Variants in UGCG observed in about 807,000 individuals in gnomAD.
The protein encoded by UGCG is ceramide glucosyltransferase.
In UGCG, 10 loss-of-function variants were observed where a neutral mutation model predicts 49.5. The observed-to-expected ratio is 0.20, with a 90% CI of 0.12 to 0.34. The LOEUF is 0.34. Ranked by LOEUF, UGCG falls within the 10% of genes least tolerant of loss-of-function variation. The pLI is 1.00. For missense variants in UGCG, 312 were observed against 483.7 expected (o/e 0.65, Z 3.33); for synonymous variants, 182 against 158.2 (o/e 1.15, Z -1.13).
intron 2 of UGCG, among the ~76,000 whole-genome samples, chr9:111,921,517 C>T (rs1181329542): frequency 2.0e-5 from 3 of 151,788 alleles, no homozygotes; most frequent in African/African-American, 4.8e-5. Flanking sequence ...TGGTGGCGGG[C>T]ATCTGTAGTC....
Position 111,906,565 on chromosome 9 carries a change from G to A in UGCG, c.99-8040G>A, listed in dbSNP as rs1213121558. ...CTGCCTCAGCCTCCCGACTAGCTGG[G>A]ATTACAGGTGTGCGCCACCATGCCT... is the stretch of plus-strand genomic sequence containing the variant. On this transcript the variant is annotated intron_variant, in intron 1 of 8. Coordinates refer to ENST00000374279, the MANE Select transcript of UGCG (RefSeq NM_003358.3). Among the ~76,000 whole-genome samples, 3 of 152,252 alleles carry A rather than the reference G, an allele frequency of 2.0e-5. No individual in the cohort carries two copies. In the East Asian group the frequency reaches 5.8e-4, roughly 29 times the overall value.
In UGCG at chr9:111,934,724, T is replaced by C. The variant is rs1389833197; in HGVS notation, c.*1727T>C. ...AAACTGCTTCATCCTTTTTTCTTTC[T>C]TTTTTTTTTTTTTTAGCCTTATGAT... On this transcript the variant is annotated 3_prime_UTR_variant, in exon 9 of 9. Transcript: ENST00000374279. 1 of 16,682 alleles carries C rather than the reference T, an allele frequency of 6.0e-5. No individual in the cohort carries two copies. The highest frequency in any genetic ancestry group is 8.6e-5 in the Non-Finnish European group (1 of 11,672). The allele number at this position is 16,682 out of a possible 1,614,324, so 1.0% of individuals were successfully genotyped here. A position where few individuals can be genotyped will look rare whatever the true frequency, so the allele number is the denominator to read the frequency against.
intron 2 of UGCG, among the ~76,000 whole-genome samples, chr9:111,919,941 T>G (rs942114265): frequency 3.0e-4 from 46 of 152,214 alleles, no homozygotes; most frequent in African/African-American, 1.1e-3. Flanking sequence ...TAATCATTAT[T>G]GTGAAGGTCA....
intron 1 of UGCG, among the ~76,000 whole-genome samples, chr9:111,911,516 G>A (rs1351276025): frequency 6.6e-6 from 1 of 152,048 alleles, no homozygotes; most frequent in Non-Finnish European, 1.5e-5. Context: ...AGCAGTAATG[G>A]AAACAGGCAG....
At chr9:111,913,260 C>G (rs1028630739) in intron 1 of UGCG, among the ~76,000 whole-genome samples, 3 of 152,138 alleles carry the variant, frequency 2.0e-5, no homozygotes, top group African/African-American at 7.2e-5. Context: ...TGTTCTAGTG[C>G]CTAATTACTG....
At chr9:111,922,701 G>A in intron 2 of UGCG, 148 bp from the exon 3 acceptor site, 1 of 464,126 alleles carries the variant, frequency 2.2e-6, no homozygotes, top group South Asian at 4.0e-5. Context: ...GTTATCATAA[G>A]TGTTTGCATC....
In UGCG at chr9:111,901,581, T is replaced by C. The variant is rs544631937; in HGVS notation, c.98+4268T>C. On this transcript the variant is annotated intron_variant, in intron 1 of 8. Transcript: ENST00000374279. ...ATCAAGAAGAATAGTTAATAGATAC[T>C]GGGCTTAATACCTCGGTGATGGGAT... is the stretch of plus-strand genomic sequence containing the variant. Among the ~76,000 whole-genome samples, 291 of 152,286 alleles carry C rather than the reference T, an allele frequency of 1.9e-3. 13 individuals are homozygous for C. In the South Asian group the frequency reaches 0.058, roughly 31 times the overall value.
chr9:111,907,428 G>A (rs952079099), intron 1 of UGCG, among the ~76,000 whole-genome samples: 1 of 152,138 alleles, frequency 6.6e-6, no homozygotes, highest in Non-Finnish European at 1.5e-5. Flanking sequence ...GCAAAGCAGT[G>A]GGTTGGTCTG....
At chr9:111,916,301 T>A (rs1300394320) in intron 2 of UGCG, among the ~76,000 whole-genome samples, 1 of 152,220 alleles carries the variant, frequency 6.6e-6, no homozygotes, top group East Asian at 1.9e-4. Context: ...TTGTGAAACT[T>A]AATCTCACAT....
chr9:111,913,586 C>T (rs952845218), intron 1 of UGCG, among the ~76,000 whole-genome samples: 1 of 146,810 alleles, frequency 6.8e-6, no homozygotes, highest in African/African-American at 2.5e-5. Context: ...GCACCCACCA[C>T]CACGCCCAGC....
At position 111,926,861 on chromosome 9, in the gene UGCG, C is replaced by CTTTTTTTTTTTTTT. The variant is rs56298523; in HGVS notation, c.558+381_558+394dup. ...GAACCGCTGGCCCCCTCCCCCCAGC[C>CTTTTTTTTTTTTTT]TTTTTTTTTTTTTTTTTTTTTTTTT... On this transcript the variant is annotated intron_variant, in intron 5 of 8. Transcript: ENST00000374279. 5.3e-5 allele frequency among the ~76,000 whole-genome samples: 3 copies of CTTTTTTTTTTTTTT among 56,874 alleles called. 1 individual carries two copies. The highest frequency in any genetic ancestry group is 1.1e-4 in the Non-Finnish European group (3 of 27,516). The allele number at this position is 56,874 out of a possible 152,430, so 37.3% of individuals were successfully genotyped here.
At chr9:111,908,816 A>T (rs1335245462) in intron 1 of UGCG, among the ~76,000 whole-genome samples, 1 of 152,362 alleles carries the variant, frequency 6.6e-6, no homozygotes, top group South Asian at 2.1e-4. Context: ...AAGAAAAACT[A>T]GTTAGAAACC....
chr9:111,913,751 T>C (rs185784316), intron 1 of UGCG, among the ~76,000 whole-genome samples: 49 of 152,112 alleles, frequency 3.2e-4, no homozygotes, highest in African/African-American at 1.0e-3. Flanking sequence ...TGGCATTGCT[T>C]CTTTCATTAG....
In UGCG at chr9:111,932,331, T is replaced by G; in HGVS notation, c.986T>G (p.Phe329Cys). 6.2e-7 allele frequency: 1 copy of G among 1,614,124 alleles called. No individual in the cohort carries two copies. Among genetic ancestry groups the G allele is most frequent in the Non-Finnish European group, 8.5e-7 (1 of 1,180,026 alleles). ...FMCHCLAWFI[F>C]DYIQLRGVQG... ...TGTCATTGCCTGGCATGGTTTATAT[T>G]TGACTACATTCAACTCAGGGGTGTC... The change falls in exon 8 of 9, where the codon TTT (phenylalanine) becomes TGT (cysteine). Residue 329 changes from phenylalanine (F) to cysteine (C), a missense_variant. Phe to Cys is a radical substitution (Grantham distance 205). Coordinates refer to ENST00000374279, the MANE Select transcript of UGCG (RefSeq NM_003358.3).
At chr9:111,897,895 C>A (rs938921964) in intron 1 of UGCG, among the ~76,000 whole-genome samples, 2 of 151,118 alleles carry the variant, frequency 1.3e-5, no homozygotes, top group Non-Finnish European at 2.9e-5. Flanking sequence ...GGTTTTCTTT[C>A]CTTTTTTCAG....
At chr9:111,902,146 C>A (rs1011530381) in intron 1 of UGCG, among the ~76,000 whole-genome samples, 1 of 152,172 alleles carries the variant, frequency 6.6e-6, no homozygotes, top group Non-Finnish European at 1.5e-5. Flanking sequence ...TTAATTAACT[C>A]CTACTCGTTC....
intron 3 of UGCG, among the ~76,000 whole-genome samples, chr9:111,923,931 A>G (rs761928412): frequency 9.2e-5 from 14 of 151,808 alleles, no homozygotes; most frequent in Non-Finnish European, 1.9e-4. Context: ...CTGGGATTAC[A>G]GTCAGGCACC....
chr9:111,920,786 GA>G (rs764171361), intron 2 of UGCG, among the ~76,000 whole-genome samples: 1 of 152,188 alleles, frequency 6.6e-6, no homozygotes, highest in Non-Finnish European at 1.5e-5. Context: ...CTTATCATTG[GA>G]AGTAAATATA....
chr9:111,931,598 G>A (rs1424709211), intron 7 of UGCG, among the ~76,000 whole-genome samples: 1 of 152,078 alleles, frequency 6.6e-6, no homozygotes, highest in African/African-American at 2.4e-5. Flanking sequence ...TTTTTAATAT[G>A]CTGATCTTTA....
Sources: gnomAD v4.1 joint callset for allele counts (sites outside exome capture counted in the v4.1 genomes callset) on GRCh38, gnomAD v4.1.1 for gene constraint, MANE v1.5 for transcripts, NCBI Gene and HGNC (gene_info 2026-07-23, HGNC 2026-07-21) for gene names.